Variants in UTP20 observed in about 807,000 individuals in gnomAD.
UTP20 encodes the protein small subunit processome component 20 homolog.
In UTP20, 164 loss-of-function variants were observed where a neutral mutation model predicts 329.5. The observed-to-expected ratio is 0.50, with a 90% CI of 0.44 to 0.57. UTP20 has a LOEUF of 0.57. Among genes scored for constraint, UTP20 ranks in the 20% least tolerant of loss-of-function variants. The pLI is 0.00. For missense variants in UTP20, 3,055 were observed against 3,284.2 expected (o/e 0.93, Z 1.71); for synonymous variants, 1,151 against 1,159.3 (o/e 0.99, Z 0.14).
intron 12 of UTP20, 113 bp downstream of exon 12, chr12:101,295,771 T>C: frequency 2.4e-6 from 3 of 1,247,750 alleles, no homozygotes; most frequent in Non-Finnish European, 3.2e-6. Flanking sequence ...ATGTCCATGA[T>C]AAGTTGTGTG....
intron 5 of UTP20, among the ~76,000 whole-genome samples, chr12:101,286,935 A>G (rs772523181): frequency 1.3e-5 from 2 of 152,178 alleles, no homozygotes; most frequent in African/African-American, 2.4e-5. Context: ...AAACACTGAC[A>G]TTTCCCCAGC....
At position 101,334,499 on chromosome 12, in the gene UTP20, C is replaced by T. The variant is rs372512218; in HGVS notation, c.3636C>T (p.Asn1212=). 42 of 1,610,292 alleles carry T rather than the reference C, an allele frequency of 2.6e-5. No homozygotes were observed. Among genetic ancestry groups the T allele is most frequent in the Middle Eastern group, 1.6e-4 (1 of 6,082 alleles). The change falls in exon 29 of 62, where the codon AAC becomes AAT. Residue 1212 remains asparagine (N), a synonymous_variant. Coordinates refer to ENST00000261637, the MANE Select transcript of UTP20 (RefSeq NM_014503.3). ...AACTGATCAGTATCTGGAGCAGAAA[C>T]GCAAGGTATAACCTTTCTTTTTTCC... ...LLKLISIWSR[N]ARYFPLLAKQ...
At position 101,302,401 on chromosome 12, in the gene UTP20, T is replaced by C. The variant is rs1251358128; in HGVS notation, c.1676-47T>C. 3 of 1,160,654 alleles carry C rather than the reference T, an allele frequency of 2.6e-6. No homozygotes were observed. The African/African-American group carries it at 4.6e-5, about 18-fold the overall frequency. 71.9% of individuals were successfully genotyped at this position (1,160,654 alleles called of 1,614,324 possible). ...AAATAAGGTGTTTGATAGTTAATAA[T>C]GTCAAAGAAATAAGTAATGTGGTTT... On this transcript the variant is annotated intron_variant, in intron 14 of 61. Transcript: ENST00000261637.
intron 25 of UTP20, among the ~76,000 whole-genome samples, chr12:101,321,910 G>C (rs1753306500): frequency 6.6e-6 from 1 of 151,514 alleles, no homozygotes; most frequent in Admixed American, 6.6e-5. Context: ...ACCGCCAGCT[G>C]CTTTTTTTTT....
At chr12:101,352,306 A>G (rs1869555119) in intron 39 of UTP20, 112 bp downstream of exon 39, 1 of 1,207,656 alleles carries the variant, frequency 8.3e-7, no homozygotes, top group South Asian at 1.5e-5. Flanking sequence ...TCATTGTTGG[A>G]CATTTGGGTT....
chr12:101,281,736 C>T (rs976716299), intron 2 of UTP20, among the ~76,000 whole-genome samples: 2 of 152,106 alleles, frequency 1.3e-5, no homozygotes, highest in Non-Finnish European at 1.5e-5. Context: ...GATGGAGTCT[C>T]GCTCCGTCTC....
chr12:101,354,210 T>A (rs1229487338), intron 40 of UTP20, among the ~76,000 whole-genome samples: 1 of 137,534 alleles, frequency 7.3e-6, no homozygotes, highest in Non-Finnish European at 1.5e-5. Flanking sequence ...TGCGGTAAGC[T>A]GAGATGTCAC....
intron 22 of UTP20, among the ~76,000 whole-genome samples, chr12:101,319,008 A>G (rs948505166): frequency 6.6e-6 from 1 of 152,040 alleles, no homozygotes; most frequent in African/African-American, 2.4e-5. Context: ...CCCCTTATCC[A>G]TGGTTTCACT....
rs992417944 is a variant in UTP20, at chr12:101,289,098, C to A, written c.597+57C>A. The A allele has an allele frequency of 7.4e-6, 11 of 1,479,212 alleles. No individual in the cohort carries two copies. The African/African-American group carries it at 8.4e-5, about 11-fold the overall frequency. 91.6% of individuals were successfully genotyped at this position (1,479,212 alleles called of 1,614,324 possible). A position where few individuals can be genotyped will look rare whatever the true frequency, so the allele number is the denominator to read the frequency against. On this transcript the variant is annotated intron_variant, in intron 6 of 61. Coordinates refer to ENST00000261637, the MANE Select transcript of UTP20 (RefSeq NM_014503.3). ...ATCATCAAGAATCTGATGAATAGGC[C>A]AGGCGTGGTGGCTCATGCCTGTAAT...
At chr12:101,381,366 C>G (rs1042375122) in intron 58 of UTP20, among the ~76,000 whole-genome samples, 155 bp downstream of exon 58, 1 of 152,028 alleles carries the variant, frequency 6.6e-6, no homozygotes, top group Non-Finnish European at 1.5e-5. Context: ...AACCCCATCT[C>G]TACTAAAAAT....
At chr12:101,370,310 G>A (rs1870241265) in intron 49 of UTP20, 122 bp from the exon 50 acceptor site, 1 of 1,230,822 alleles carries the variant, frequency 8.1e-7, no homozygotes, top group Non-Finnish European at 1.1e-6. Context: ...AATTTGCCAA[G>A]GCTAGAGGGC....
intron 50 of UTP20, among the ~76,000 whole-genome samples, 174 bp downstream of exon 50, chr12:101,370,737 G>A (rs1188958161): frequency 6.6e-6 from 1 of 152,218 alleles, no homozygotes; most frequent in Non-Finnish European, 1.5e-5. Flanking sequence ...TATGAAAAAT[G>A]TTTAAATGTG....
chr12:101,365,516 C>G lies in UTP20; in HGVS notation c.6016C>G (p.Arg2006Gly). 1 of 1,612,448 alleles carries G rather than the reference C, an allele frequency of 6.2e-7. No homozygotes were observed. The highest frequency in any genetic ancestry group is 1.1e-5 in the South Asian group (1 of 90,702). The change falls in exon 46 of 62, where the codon CGA becomes GGA. Residue 2006 changes from arginine (R) to glycine (G), a missense_variant. Transcript: ENST00000261637. ...LARKVHETLR[R>G]ITVGLIVNQE... ...CCGGAAAGTTCATGAAACTTTACGCCGAATCACAGTGGGATTAATTGTAAA... is the reference window on the plus strand; with the variant it reads ...CCGGAAAGTTCATGAAACTTTACGCGGAATCACAGTGGGATTAATTGTAAA...
At chr12:101,366,780 C>T in intron 47 of UTP20, 81 bp downstream of exon 47, 2 of 1,488,278 alleles carry the variant, frequency 1.3e-6, no homozygotes, top group Non-Finnish European at 1.8e-6. Flanking sequence ...TCTAGTACTG[C>T]TCACTTCCAT....
At chr12:101,282,202 C>T (rs919837005) in intron 2 of UTP20, among the ~76,000 whole-genome samples, 2 of 152,064 alleles carry the variant, frequency 1.3e-5, no homozygotes, top group Non-Finnish European at 2.9e-5. Flanking sequence ...TAAATGATGT[C>T]GTCTAGGTGA....
At chr12:101,334,161 C>T (rs1868856079) in intron 28 of UTP20, among the ~76,000 whole-genome samples, 2 of 152,168 alleles carry the variant, frequency 1.3e-5, no homozygotes, top group Admixed American at 1.3e-4. Context: ...TGTTTGAGGT[C>T]CCAGTCATTT....
chr12:101,280,139 C>T lies in UTP20; in HGVS notation c.-144C>T. ...CCTCCTTGTCTCCAACATGGCGGCG[C>T]CCAGGGGCTCAAGCCGCACGTGAGA... On this transcript the variant is annotated 5_prime_UTR_variant, in exon 1 of 62. Transcript: ENST00000261637. 9.2e-7 allele frequency: 1 copy of T among 1,082,914 alleles called. No individual in the cohort carries two copies. The allele number at this position is 1,082,914 out of a possible 1,614,324, so 67.1% of individuals were successfully genotyped here. A position where few individuals can be genotyped will look rare whatever the true frequency, so the allele number is the denominator to read the frequency against.
At chr12:101,381,601 G>A (rs926968721) in intron 58 of UTP20, among the ~76,000 whole-genome samples, 1 of 152,260 alleles carries the variant, frequency 6.6e-6, no homozygotes, top group African/African-American at 2.4e-5. Flanking sequence ...GTTTTGTTTT[G>A]AACCTATCTT....
At chr12:101,355,818 T>G (rs981282590) in intron 41 of UTP20, among the ~76,000 whole-genome samples, 1 of 152,130 alleles carries the variant, frequency 6.6e-6, no homozygotes, top group African/African-American at 2.4e-5. Flanking sequence ...TAATACAAAT[T>G]TATATATTTG....
Sources: allele counts gnomAD v4.1 joint callset (sites outside exome capture counted in the v4.1 genomes callset), GRCh38; gene constraint gnomAD v4.1.1; transcripts MANE v1.5; gene names NCBI Gene and HGNC (gene_info 2026-07-23, HGNC 2026-07-21).